Variants in ZFHX3 observed in about 807,000 individuals in gnomAD.
ZFHX3 encodes the protein zinc finger homeobox protein 3.
A neutral mutation model predicts 279.1 loss-of-function variants in ZFHX3; 42 were observed. The observed-to-expected ratio is 0.15, with a 90% CI of 0.12 to 0.19. ZFHX3 has a LOEUF of 0.19. Among genes scored for constraint, ZFHX3 ranks in the 10% least tolerant of loss-of-function variants. The pLI is 1.00. For missense variants in ZFHX3, 4,981 were observed against 4,754.0 expected (o/e 1.05, Z -1.40); for synonymous variants, 2,293 against 1,957.8 (o/e 1.17, Z -4.52).
chr16:73,845,717 C>T (rs1423569273), intron 1 of ZFHX3, among the ~76,000 whole-genome samples: 1 of 152,184 alleles, frequency 6.6e-6, no homozygotes, highest in African/African-American at 2.4e-5. Context: ...AGCAACTGTC[C>T]TTTGTCTCTC....
chr16:73,658,050 G>A (rs941523018), intron 2 of ZFHX3, among the ~76,000 whole-genome samples: 1 of 152,188 alleles, frequency 6.6e-6, no homozygotes, highest in Non-Finnish European at 1.5e-5. Context: ...AGTAGATGCT[G>A]TGAAATAAAT....
At chr16:73,048,307 G>A (rs1263405953), upstream of ZFHX3, 4 of 151,866 alleles carry the variant, frequency 2.6e-5, no homozygotes, top group Admixed American at 6.6e-5. Context: ...GCCGGGCGCA[G>A]GCCGGGTTGC....
chr16:73,442,498 C>A (rs556322209), intron 3 of ZFHX3, among the ~76,000 whole-genome samples: 1 of 151,866 alleles, frequency 6.6e-6, no homozygotes, highest in East Asian at 1.9e-4. Context: ...TGAACAATAT[C>A]TTTAGTATCT....
chr16:72,959,622 G>C lies in ZFHX3; in HGVS notation c.524C>G (p.Pro175Arg). The change falls in exon 2 of 10, where the codon CCT becomes CGT. Residue 175 changes from proline (P) to arginine (R), a missense_variant. Around this residue, in one of 7 missense-constraint regions of ZFHX3, gnomAD observed 1,068 missense variants for 935.2 expected, o/e 1.14. Transcript: ENST00000268489. ...PLPSLFLNSL[P>R]GAGGKQGDPS... ...GTCCCCTTGCTTGCCCCCCGCGCCA[G>C]GGAGAGAGTTCAGGAAAAGCGAGGG... 1 of 1,614,146 alleles carries C rather than the reference G, an allele frequency of 6.2e-7. No individual in the cohort carries two copies. Among genetic ancestry groups the C allele is most frequent in the East Asian group, 2.2e-5 (1 of 44,876 alleles).
In ZFHX3 at chr16:72,950,933, C is replaced by T. The variant is rs376268270; in HGVS notation, c.2752G>A (p.Gly918Arg). Residue 918 changes from glycine to arginine, a missense_variant, in exon 3 of 10, where the codon GGG becomes AGG. This residue lies in a region of ZFHX3 where 1,751 missense variants were observed against 1,770.0 expected (regional missense o/e 0.99). Transcript: ENST00000268489. The stretch of plus-strand genomic sequence containing the variant: ...TCCTCTGACACCAGCTGCCCGCCCC[C>T]GAGCCGCATGTCTAGGGGGATCTCA... ...GGEIPLDMRLGGGQLVSEELM... is the reference protein window; with the variant it reads ...GGEIPLDMRLRGGQLVSEELM... 67 of 1,613,832 alleles carry T rather than the reference C, an allele frequency of 4.2e-5. No individual in the cohort carries two copies. The highest frequency in any genetic ancestry group is 5.3e-5 in the African/African-American group (4 of 74,898).
chr16:72,885,942 T>C (rs2038611401), intron 4 of ZFHX3, among the ~76,000 whole-genome samples: 1 of 152,218 alleles, frequency 6.6e-6, no homozygotes, highest in African/African-American at 2.4e-5. Context: ...TGAAAAATCA[T>C]GTCCTGACCC....
intron 3 of ZFHX3, among the ~76,000 whole-genome samples, chr16:73,452,836 A>G (rs549740397): frequency 5.9e-5 from 9 of 152,366 alleles, no homozygotes; most frequent in African/African-American, 2.2e-4. Flanking sequence ...GCTGCCTTCC[A>G]ACCAATGATT....
chr16:73,278,850 C>G (rs958555735), intron 4 of ZFHX3, among the ~76,000 whole-genome samples: 1 of 152,128 alleles, frequency 6.6e-6, no homozygotes, highest in Non-Finnish European at 1.5e-5. Context: ...TTGCTAGCTA[C>G]AGAGTGCTGA....
At chr16:73,797,487 C>CA (rs1960027713) in intron 1 of ZFHX3, among the ~76,000 whole-genome samples, 2 of 152,258 alleles carry the variant, frequency 1.3e-5, no homozygotes, top group East Asian at 3.9e-4. Context: ...TGTCAAAATG[C>CA]AAAAAGCCAG....
At chr16:73,161,697 T>C (rs1408656703) in intron 5 of ZFHX3, among the ~76,000 whole-genome samples, 1 of 152,174 alleles carries the variant, frequency 6.6e-6, no homozygotes, top group African/African-American at 2.4e-5. Flanking sequence ...GCCTTTCTGC[T>C]AGGAAGGCCC....
chr16:72,980,020 G>A (rs1416096793), intron 1 of ZFHX3, among the ~76,000 whole-genome samples: 1 of 152,194 alleles, frequency 6.6e-6, no homozygotes, highest in Non-Finnish European at 1.5e-5. Context: ...AGGGCGTGCA[G>A]CCCTATTTCC....
Position 73,132,008 on chromosome 16 carries a change from C to T in ZFHX3, c.-1023-914G>A, listed in dbSNP as rs1416504082. ...CTGTGATGCAAGAGGGATGAGGGTC[C>T]GGTGCAGTGGCTCACACCTGTAATC... is the stretch of plus-strand genomic sequence containing the variant. On this transcript the variant is annotated intron_variant, in intron 6 of 17. Coordinates refer to the ZFHX3 transcript ENST00000641206. Among the ~76,000 whole-genome samples the T allele has an allele frequency of 3.3e-5, 5 of 152,098 alleles. No individual in the cohort carries two copies. In the East Asian group the frequency reaches 9.7e-4, roughly 29 times the overall value.
intron 1 of ZFHX3, among the ~76,000 whole-genome samples, chr16:73,818,944 A>C (rs373171374): frequency 2.0e-5 from 3 of 152,294 alleles, no homozygotes; most frequent in East Asian, 1.9e-4. Context: ...AATGCATCTG[A>C]ACTATGCAAG....
intron 1 of ZFHX3, among the ~76,000 whole-genome samples, chr16:73,058,179 G>C (rs1430001431): frequency 2.1e-5 from 3 of 145,248 alleles, no homozygotes; most frequent in Non-Finnish European, 1.5e-5. Context: ...CCACCCTCCC[G>C]GGGGTCGCCG....
intron 2 of ZFHX3, among the ~76,000 whole-genome samples, chr16:73,530,384 G>A (rs1428303889): frequency 3.3e-5 from 5 of 152,136 alleles, no homozygotes; most frequent in African/African-American, 4.8e-5. Context: ...ACAGCCAAAC[G>A]GAAGTTAATT....
intron 2 of ZFHX3, among the ~76,000 whole-genome samples, chr16:73,489,869 G>A (rs1310677731): frequency 1.3e-5 from 2 of 152,068 alleles, no homozygotes; most frequent in Admixed American, 6.5e-5. Flanking sequence ...TTTCAAGAGT[G>A]GAGATTAGTC....
intron 2 of ZFHX3, among the ~76,000 whole-genome samples, chr16:73,672,906 G>C (rs890921147): frequency 9.9e-5 from 15 of 152,014 alleles, no homozygotes; most frequent in African/African-American, 3.6e-4. Context: ...AAATTTAATT[G>C]ATAGATTACA....
At chr16:72,809,091 C>T in intron 7 of ZFHX3, among the ~76,000 whole-genome samples, 1 of 152,168 alleles carries the variant, frequency 6.6e-6, no homozygotes, top group Non-Finnish European at 1.5e-5. Flanking sequence ...ACACTTGTCA[C>T]TTGAAATTTA....
At chr16:73,040,393 G>A (rs894180381) in intron 1 of ZFHX3, among the ~76,000 whole-genome samples, 1 of 152,224 alleles carries the variant, frequency 6.6e-6, no homozygotes, top group Non-Finnish European at 1.5e-5. Context: ...CAAGTTGATA[G>A]TATTTGCATA....
Sources: allele counts gnomAD v4.1 joint callset (sites outside exome capture counted in the v4.1 genomes callset), GRCh38; gene constraint gnomAD v4.1.1; regional missense constraint gnomAD v4.1.1; transcripts MANE v1.5; gene names NCBI Gene and HGNC (gene_info 2026-07-23, HGNC 2026-07-21).